Variants in HCN1 observed in about 807,000 individuals in gnomAD.
HCN1 encodes the protein hyperpolarization activated cyclic nucleotide gated potassium channel 1, also known as potassium/sodium hyperpolarization-activated cyclic nucleotide-gated channel 1.
Under a neutral mutation model 78.9 loss-of-function variants are expected in HCN1, and 13 were observed. The ratio of observed to expected loss-of-function variants is 0.16; its 90% CI spans 0.11 to 0.26. The LOEUF (loss-of-function observed/expected upper bound fraction) is 0.26. HCN1 is among the 10% of genes least tolerant of loss of function. HCN1 has a pLI of 1.00. For synonymous variants in HCN1, 552 were observed against 455.5 expected, an observed-to-expected ratio of 1.21 and a Z score of -2.70; for missense variants, 810 against 1,154.3, an observed-to-expected ratio of 0.70 and a Z score of 4.32.
chr5:45,411,678 G>A (rs1316339871), intron 3 of HCN1, among the ~76,000 whole-genome samples: 6 of 151,982 alleles, frequency 3.9e-5, no homozygotes, highest in East Asian at 1.9e-4. Context: ...AAAGGCAAAT[G>A]CAATATTATA....
Position 45,645,404 on chromosome 5 carries a change from G to A in HCN1, c.630C>T (p.Pro210=). The change falls in exon 2 of 8, where the codon CCC becomes CCT. Residue 210 remains proline, a synonymous_variant. Transcript: ENST00000303230. ...TTAAATAATTCATCTTGATCACTTTGGGGTCCAGGATGATTTCAGAACTGT... is the reference window on the plus strand; with the variant it reads ...TTAAATAATTCATCTTGATCACTTTAGGGTCCAGGATGATTTCAGAACTGT... ...NEDSSEIILD[P]KVIKMNYLKS... 6.2e-7 allele frequency: 1 copy of A among 1,613,406 alleles called. No homozygotes were observed.
intron 3 of HCN1, among the ~76,000 whole-genome samples, chr5:45,453,271 T>G (rs917638557): frequency 6.6e-6 from 1 of 152,098 alleles, no homozygotes; most frequent in Non-Finnish European, 1.5e-5. Context: ...TAGTCTGCTA[T>G]TCCACTGATT....
In HCN1 at chr5:45,621,320, TTC is replaced by T. The variant is rs869192014; in HGVS notation, c.849+23863_849+23864del. 4.8e-4 allele frequency among the ~76,000 whole-genome samples: 71 copies of T among 147,418 alleles called. 2 individuals carry two copies. Among genetic ancestry groups the T allele is most frequent in the African/African-American group, 8.4e-4 (33 of 39,392 alleles). Reference sequence around the variant, plus strand: ...GGTAATTCTCATAATTGTTCCACCTTTCTTTTTTTTTTCCTCCAGAAGTGAAA... The same window carrying T: ...GGTAATTCTCATAATTGTTCCACCTTTTTTTTTTTTCCTCCAGAAGTGAAA... On this transcript the variant is annotated intron_variant, in intron 2 of 7. Transcript: ENST00000303230.
chr5:45,332,794 T>A (rs975205955), intron 5 of HCN1, among the ~76,000 whole-genome samples: 1 of 151,740 alleles, frequency 6.6e-6, no homozygotes, highest in African/African-American at 2.4e-5. Context: ...TCCTGTTCCA[T>A]CCACGTTGTT....
At position 45,457,060 on chromosome 5, in the gene HCN1, T is replaced by A. The variant is rs190633569; in HGVS notation, c.1011+4786A>T. ...CTTCAAAATGATTACTAACATGTAA[T>A]CATATATTTATAAGATTGCTAGTAG... On this transcript the variant is annotated intron_variant, in intron 3 of 7. Transcript: ENST00000303230. Among the ~76,000 whole-genome samples the A allele has an allele frequency of 3.9e-5, 6 of 152,148 alleles. No individual in the cohort carries two copies. The East Asian group carries it at 9.7e-4, about 24-fold the overall frequency.
rs1048762300 is a variant in HCN1 at position 45,396,421 on chromosome 5, C to A, written c.1230+71G>T. 21 of 1,175,842 alleles carry A rather than the reference C, an allele frequency of 1.8e-5. No homozygotes were observed. In the Admixed American group the frequency reaches 2.0e-4, roughly 11 times the overall value. The allele number at this position is 1,175,842 out of a possible 1,614,324, so 72.8% of individuals were successfully genotyped here. A position where few individuals can be genotyped will look rare whatever the true frequency, so the allele number is the denominator to read the frequency against. On this transcript the variant is annotated intron_variant, in intron 4 of 7. Transcript: ENST00000303230. ...TTTATAGAGGAGATGGTGTAGTTATCTTGAACACAATTCAATTTACTGGTT... is the reference window on the plus strand; with the variant it reads ...TTTATAGAGGAGATGGTGTAGTTATATTGAACACAATTCAATTTACTGGTT...
chr5:45,454,476 G>A, intron 3 of HCN1, among the ~76,000 whole-genome samples: 1 of 147,606 alleles, frequency 6.8e-6, no homozygotes, highest in African/African-American at 2.5e-5. Flanking sequence ...CCTTTGTTAG[G>A]TCTTAAAAAA....
chr5:45,345,120 C>T (rs1007006525), intron 5 of HCN1, among the ~76,000 whole-genome samples: 4 of 152,162 alleles, frequency 2.6e-5, no homozygotes, highest in African/African-American at 7.2e-5. Context: ...GTGGAAGATC[C>T]CAAGGCTTGG....
intron 2 of HCN1, among the ~76,000 whole-genome samples, chr5:45,583,736 C>T (rs1032038455): frequency 1.3e-5 from 2 of 151,978 alleles, no homozygotes; most frequent in East Asian, 1.9e-4. Context: ...TCTTTGTTCT[C>T]GTTGGTTTCA....
chr5:45,692,903 G>A (rs1360661414), intron 1 of HCN1, among the ~76,000 whole-genome samples: 1 of 152,134 alleles, frequency 6.6e-6, no homozygotes, highest in Non-Finnish European at 1.5e-5. Flanking sequence ...TATTAAAAGT[G>A]TCAAGGAAAA....
intron 3 of HCN1, among the ~76,000 whole-genome samples, chr5:45,455,308 T>C (rs1741008039): frequency 6.6e-6 from 1 of 152,062 alleles, no homozygotes; most frequent in African/African-American, 2.4e-5. Context: ...CAAATTCCTA[T>C]TAATAGATAT....
chr5:45,526,430 C>T (rs1742737041), intron 2 of HCN1, among the ~76,000 whole-genome samples: 1 of 152,070 alleles, frequency 6.6e-6, no homozygotes, highest in Admixed American at 6.6e-5. Context: ...GGCCTTCATG[C>T]ACTTTTCATC....
At chr5:45,656,231 C>T (rs1418427001) in intron 1 of HCN1, among the ~76,000 whole-genome samples, 2 of 152,106 alleles carry the variant, frequency 1.3e-5, no homozygotes. Flanking sequence ...CTAAGGAGTT[C>T]CGGGGGTTGC....
intron 3 of HCN1, among the ~76,000 whole-genome samples, chr5:45,454,693 A>T (rs1740989090): frequency 6.6e-6 from 1 of 152,030 alleles, no homozygotes; most frequent in South Asian, 2.1e-4. Flanking sequence ...TGGCTATATT[A>T]TGTCAATCAG....
chr5:45,327,515 A>C (rs977384445), intron 5 of HCN1, among the ~76,000 whole-genome samples: 4 of 151,664 alleles, frequency 2.6e-5, no homozygotes, highest in Middle Eastern at 3.2e-3. Flanking sequence ...TCCTAAAATC[A>C]GGCAAGAGTA....
At chr5:45,351,012 T>C (rs1045403810) in intron 5 of HCN1, among the ~76,000 whole-genome samples, 5 of 152,062 alleles carry the variant, frequency 3.3e-5, no homozygotes, top group African/African-American at 1.2e-4. Context: ...CTTCACAGAA[T>C]TGGAAAAAAC....
At chr5:45,475,798 G>GA (rs752031541) in intron 2 of HCN1, among the ~76,000 whole-genome samples, 1 of 151,986 alleles carries the variant, frequency 6.6e-6, no homozygotes, top group Admixed American at 6.6e-5. Context: ...TATTTAGAGA[G>GA]AAAAAATGCA....
intron 2 of HCN1, among the ~76,000 whole-genome samples, chr5:45,546,796 C>T (rs79541085): frequency 6.6e-6 from 1 of 151,892 alleles, no homozygotes; most frequent in East Asian, 1.9e-4. Flanking sequence ...TCCAACTATA[C>T]TATGCTATTT....
At chr5:45,281,818 T>C (rs914041642) in intron 6 of HCN1, among the ~76,000 whole-genome samples, 7 of 151,898 alleles carry the variant, frequency 4.6e-5, no homozygotes, top group Non-Finnish European at 1.0e-4. Context: ...GGTCTTGATC[T>C]CCTGACCTCA....
Sources: gnomAD v4.1 joint callset for allele counts (sites outside exome capture counted in the v4.1 genomes callset) on GRCh38, gnomAD v4.1.1 for gene constraint, MANE v1.5 for transcripts, NCBI Gene and HGNC (gene_info 2026-07-23, HGNC 2026-07-21) for gene names.